Variants in MAP3K2 observed in about 807,000 individuals in gnomAD.
The protein encoded by MAP3K2 is mitogen-activated protein kinase kinase kinase 2, also known as MAP/ERK kinase kinase 2.
In MAP3K2, 24 loss-of-function variants were observed where a neutral mutation model predicts 80.3. The ratio of observed to expected loss-of-function variants is 0.30; its 90% CI spans 0.22 to 0.42. The LOEUF (loss-of-function observed/expected upper bound fraction) is 0.42. MAP3K2 is among the 10% of genes least tolerant of loss of function. The pLI, the probability that MAP3K2 is intolerant of heterozygous loss-of-function variation, is 1.00. For missense variants in MAP3K2, 608 were observed against 750.1 expected (o/e 0.81, Z 2.21); for synonymous variants, 244 against 253.7 (o/e 0.96, Z 0.36).
intron 1 of MAP3K2, among the ~76,000 whole-genome samples, chr2:127,376,852 G>A (rs1360240493): frequency 1.3e-5 from 2 of 152,080 alleles, no homozygotes; most frequent in African/African-American, 4.8e-5. Flanking sequence ...GATCGCTTGA[G>A]CCCAGGTGTT....
At chr2:127,388,321 G>A (rs1470186987), upstream of MAP3K2, 10 of 985,406 alleles carry the variant, frequency 1.0e-5, no homozygotes, top group Middle Eastern at 5.2e-4. Context: ...GGTCTCCCAC[G>A]TGGGCTGTGG....
chr2:127,369,468 T>TA (rs70985451), intron 1 of MAP3K2, among the ~76,000 whole-genome samples: 2,280 of 32,754 alleles, frequency 0.07, 161 homozygotes, highest in Non-Finnish European at 0.075. Flanking sequence ...CCGTCTCTAC[T>TA]AAAAAAAAAA....
rs1401049235 is a variant in MAP3K2 at position 127,300,188 on chromosome 2, CACAG to C, written c.*7387_*7390del. 2 of 152,208 alleles carry C rather than the reference CACAG, an allele frequency of 1.3e-5. No individual in the cohort carries two copies. The highest frequency in any genetic ancestry group is 1.3e-4 in the Admixed American group (2 of 15,304). 9.4% of individuals were successfully genotyped at this position (152,208 alleles called of 1,614,324 possible). A position where few individuals can be genotyped will look rare whatever the true frequency, so the allele number is the denominator to read the frequency against. ...CTTGAAAGAAGTTAAAACATAAAGA[CACAG>C]ACAGTAGTTCAATGCACGCATTCAT... On this transcript the variant is annotated 3_prime_UTR_variant, in exon 17 of 17. Transcript: ENST00000682094.
chr2:127,312,373 G>T (rs758570087), intron 15 of MAP3K2, among the ~76,000 whole-genome samples: 2 of 152,126 alleles, frequency 1.3e-5, no homozygotes, highest in Non-Finnish European at 2.9e-5. Flanking sequence ...GACTTCACGG[G>T]TCTAAATTGA....
chr2:127,317,965 G>A (rs1208693005), intron 13 of MAP3K2, among the ~76,000 whole-genome samples: 1 of 149,926 alleles, frequency 6.7e-6, no homozygotes, highest in Admixed American at 6.7e-5. Context: ...TATAACTGAA[G>A]TACTAAAAAA....
Position 127,335,850 on chromosome 2 carries a change from G to C in MAP3K2, c.264+20C>G, listed in dbSNP as rs1332276638. 2 of 1,380,218 alleles carry C rather than the reference G, an allele frequency of 1.4e-6. No homozygotes were observed. Among genetic ancestry groups the C allele is most frequent in the East Asian group, 2.4e-5 (1 of 40,884 alleles). The allele number at this position is 1,380,218 out of a possible 1,614,324, so 85.5% of individuals were successfully genotyped here. A position where few individuals can be genotyped will look rare whatever the true frequency, so the allele number is the denominator to read the frequency against. ...ACTTTTGAAGGTAAGATCTACTAAA[G>C]TTAAACTGTACATGTTTACCTCGTT... On this transcript the variant is annotated intron_variant, in intron 5 of 16. Coordinates refer to ENST00000682094, the MANE Select transcript of MAP3K2 (RefSeq NM_001371910.2).
At chr2:127,324,600 A>G (rs1363737431) in intron 9 of MAP3K2, among the ~76,000 whole-genome samples, 3 of 152,148 alleles carry the variant, frequency 2.0e-5, no homozygotes, top group Admixed American at 1.3e-4. Flanking sequence ...AGTGTACATA[A>G]GTAAGGTATC....
Position 127,364,207 on chromosome 2 carries a change from A to C in MAP3K2, c.-65-21013T>G, listed in dbSNP as rs987265365. ...TTGAATACCCATCTCCCCTCTCTTT[A>C]GTAAATCTTACTACTAATTTGCATC... On this transcript the variant is annotated intron_variant, in intron 1 of 16. Coordinates refer to ENST00000682094, the MANE Select transcript of MAP3K2 (RefSeq NM_001371910.2). The surrounding 1 kb of genome is among the most constrained non-coding windows in gnomAD (Gnocchi z 4.1). Among the ~76,000 whole-genome samples, 12 of 152,098 alleles carry C rather than the reference A, an allele frequency of 7.9e-5. No individual in the cohort carries two copies. The highest frequency in any genetic ancestry group is 2.1e-4 in the South Asian group (1 of 4,828).
rs1685655102 is a variant in MAP3K2 at position 127,304,352 on chromosome 2, T to G, written c.*3227A>C. ...CTAGTCATTATGATTTTTTTAACCC[T>G]TTTATTCAATACAACATTTTGTTTG... On this transcript the variant is annotated 3_prime_UTR_variant, in exon 17 of 17. Transcript: ENST00000682094. The G allele has an allele frequency of 6.6e-6, 1 of 152,186 alleles. No individual in the cohort carries two copies. Among genetic ancestry groups the G allele is most frequent in the Non-Finnish European group, 1.5e-5 (1 of 68,012 alleles). The allele number at this position is 152,186 out of a possible 1,614,324, so 9.4% of individuals were successfully genotyped here.
intron 1 of MAP3K2, among the ~76,000 whole-genome samples, chr2:127,377,663 T>C (rs1304136761): frequency 6.6e-6 from 1 of 152,232 alleles, no homozygotes; most frequent in Non-Finnish European, 1.5e-5. Context: ...AAAAATGTAA[T>C]ATGAATTTTC....
At position 127,317,627 on chromosome 2, in the gene MAP3K2, A is replaced by G; in HGVS notation, c.1326+2T>C. ...TATTTTCAAAAAGATGTACTAACTT[A>G]CCCCTGGCATATATTCCATAAATAT... On this transcript the variant is annotated splice_donor_variant, in intron 14 of 16. Coordinates refer to ENST00000682094, the MANE Select transcript of MAP3K2 (RefSeq NM_001371910.2). LOFTEE classifies it high-confidence loss of function. 6.4e-7 allele frequency: 1 copy of G among 1,555,814 alleles called. No individual in the cohort carries two copies. The highest frequency in any genetic ancestry group is 8.7e-7 in the Non-Finnish European group (1 of 1,150,374).
Position 127,322,506 on chromosome 2 carries a change from G to A in MAP3K2, c.839-254C>T, listed in dbSNP as rs185006034. On this transcript the variant is annotated intron_variant, in intron 11 of 16. Coordinates refer to ENST00000682094, the MANE Select transcript of MAP3K2 (RefSeq NM_001371910.2). This position sits in a 1 kb window ranked among gnomAD's most constrained non-coding sequence, Gnocchi z 4.2. ...CTTAAAAAGGAACCTCCTCACTTCT[G>A]GATAAAAAGGAGGAAAAAAATTTAC... Among the ~76,000 whole-genome samples, 2 of 152,084 alleles carry A rather than the reference G, an allele frequency of 1.3e-5. No homozygotes were observed. The highest frequency in any genetic ancestry group is 3.9e-4 in the East Asian group (2 of 5,168).
chr2:127,317,105 C>T (rs1176658429), intron 14 of MAP3K2: 2 of 145,768 alleles, frequency 1.4e-5, no homozygotes, highest in African/African-American at 2.5e-5. Flanking sequence ...TCTTAACAGG[C>T]TATCCTCTTC....
At chr2:127,381,100 A>C (rs1687237728) in intron 1 of MAP3K2, among the ~76,000 whole-genome samples, 1 of 152,140 alleles carries the variant, frequency 6.6e-6, no homozygotes, top group African/African-American at 2.4e-5. Context: ...CTCCTGGGCT[A>C]AAGGGATTCT....
intron 1 of MAP3K2, among the ~76,000 whole-genome samples, chr2:127,377,762 GA>G (rs1280781267): frequency 6.6e-6 from 1 of 152,178 alleles, no homozygotes; most frequent in Non-Finnish European, 1.5e-5. Flanking sequence ...TTCAATGCCA[GA>G]AGACATGTCT....
intron 1 of MAP3K2, among the ~76,000 whole-genome samples, chr2:127,354,116 A>G (rs1324584576): frequency 1.3e-5 from 2 of 151,848 alleles, no homozygotes; most frequent in African/African-American, 4.9e-5. Flanking sequence ...GGAAGGCCGC[A>G]GGGTCCTCTG....
chr2:127,333,410 G>C (rs1686301413), intron 5 of MAP3K2, among the ~76,000 whole-genome samples: 1 of 152,056 alleles, frequency 6.6e-6, no homozygotes, highest in Non-Finnish European at 1.5e-5. Flanking sequence ...GAAGTTTATA[G>C]AGTAACAGTT....
At chr2:127,388,185 G>C (rs1488058461), upstream of MAP3K2, 4 of 984,644 alleles carry the variant, frequency 4.1e-6, no homozygotes, top group African/African-American at 1.7e-5. Flanking sequence ...CCCGGCCTCG[G>C]CCCCGCCCCC....
chr2:127,347,354 A>G (rs1463554869), intron 1 of MAP3K2, among the ~76,000 whole-genome samples: 1 of 152,156 alleles, frequency 6.6e-6, no homozygotes, highest in Non-Finnish European at 1.5e-5. Context: ...AACAAACAAA[A>G]ACAGTATTAG....
Sources: allele counts gnomAD v4.1 joint callset (sites outside exome capture counted in the v4.1 genomes callset), GRCh38; gene constraint gnomAD v4.1.1; non-coding constraint Gnocchi (gnomAD v3.1); transcripts MANE v1.5; gene names NCBI Gene and HGNC (gene_info 2026-07-23, HGNC 2026-07-21).